Variants in MYO7A observed in about 807,000 individuals in gnomAD.
MYO7A encodes unconventional myosin-VIIa.
Under a neutral mutation model 263.8 loss-of-function variants are expected in MYO7A, and 210 were observed. The observed-to-expected ratio is 0.80, with a 90% CI of 0.71 to 0.89. The LOEUF (loss-of-function observed/expected upper bound fraction) is 0.89. Ranked by LOEUF, MYO7A falls within the 40% of genes least tolerant of loss-of-function variation. The probability of loss-of-function intolerance (pLI) is 0.00; values close to 1 mark genes in which losing one functional copy is unlikely to be tolerated. For missense variants in MYO7A, 2,820 were observed against 2,968.3 expected (o/e 0.95, Z 1.16); for synonymous variants, 1,239 against 1,197.3 (o/e 1.03, Z -0.72).
intron 2 of MYO7A, among the ~76,000 whole-genome samples, chr11:77,134,789 T>TC (rs1950864475): frequency 6.7e-6 from 1 of 150,090 alleles, no homozygotes; most frequent in Admixed American, 6.6e-5. Flanking sequence ...AACTTTTTTT[T>TC]TTTTTTTTTT....
At chr11:77,136,163 A>C (rs1950897335) in intron 2 of MYO7A, among the ~76,000 whole-genome samples, 2 of 152,360 alleles carry the variant, frequency 1.3e-5, no homozygotes, top group South Asian at 4.1e-4. Context: ...TGCCAGATAT[A>C]GAATTCTTTC....
At chr11:77,170,761 G>A (rs189138521) in intron 15 of MYO7A, among the ~76,000 whole-genome samples, 1 of 152,194 alleles carries the variant, frequency 6.6e-6, no homozygotes, top group Non-Finnish European at 1.5e-5. Flanking sequence ...GAGACGAGTT[G>A]GGGGGTTGCT....
intron 10 of MYO7A, 127 bp downstream of exon 10, chr11:77,159,650 T>C (rs1397109395): frequency 1.1e-6 from 1 of 923,000 alleles, no homozygotes; most frequent in Admixed American, 2.3e-5. Context: ...TTCTGTTCAA[T>C]ATGGAGAAGC....
chr11:77,184,890 C>T, intron 27 of MYO7A, 175 bp downstream of exon 27: 1 of 1,124,996 alleles, frequency 8.9e-7, no homozygotes, highest in Admixed American at 2.0e-5. Context: ...GCCTCTGATT[C>T]CTTGTCTGTA....
At chr11:77,156,409 T>C (rs1362584031) in intron 5 of MYO7A, among the ~76,000 whole-genome samples, 3 of 152,230 alleles carry the variant, frequency 2.0e-5, no homozygotes, top group African/African-American at 7.2e-5. Flanking sequence ...AGACAAAGCA[T>C]TGACTGAGCA....
rs1958056283 is a variant in MYO7A, at chr11:77,214,944, C to T, written c.*248C>T. On this transcript the variant is annotated 3_prime_UTR_variant, in exon 49 of 49. Coordinates refer to ENST00000409709, the MANE Select transcript of MYO7A (RefSeq NM_000260.4). ...TGGTCTAATCCTAGTTTGCTGTGGCCTTCCCGGTTGTGAGAGCCTGTGATC... is the reference window on the plus strand; with the variant it reads ...TGGTCTAATCCTAGTTTGCTGTGGCTTTCCCGGTTGTGAGAGCCTGTGATC... 2.0e-6 allele frequency: 1 copy of T among 487,978 alleles called. No homozygotes were observed. The highest frequency in any genetic ancestry group is 3.7e-6 in the Non-Finnish European group (1 of 271,376). 30.2% of individuals were successfully genotyped at this position (487,978 alleles called of 1,614,324 possible).
intron 37 of MYO7A, 48 bp from the exon 38 acceptor site, chr11:77,203,012 G>T (rs1055512167): frequency 2.6e-6 from 4 of 1,537,816 alleles, no homozygotes; most frequent in South Asian, 1.2e-5. Context: ...GTTTCTCCCC[G>T]GGGCTGCCAG....
rs762660033 is a variant in MYO7A at position 77,197,484 on chromosome 11, A to T, written c.4327A>T (p.Ile1443Phe). The T allele has an allele frequency of 1.3e-6, 2 of 1,592,172 alleles. No individual in the cohort carries two copies. Among genetic ancestry groups the T allele is most frequent in the Non-Finnish European group, 1.7e-6 (2 of 1,168,234 alleles). Residue 1443 changes from isoleucine to phenylalanine, a missense_variant, in exon 33 of 49, where the codon ATT (isoleucine) becomes TTT (phenylalanine). Transcript: ENST00000409709. ...CTCTGTCCCTCTCTCCTTCCAGGGG[A>T]TTTATGCCCAGAGGAGAACTGATGC... Reference protein sequence around the residue: ...QLAIAAHKKGIYAQRRTDAQK... With the variant: ...QLAIAAHKKGFYAQRRTDAQK...
chr11:77,189,155 C>T (rs1955847602), intron 27 of MYO7A, among the ~76,000 whole-genome samples, 189 bp from the exon 28 acceptor site: 1 of 152,194 alleles, frequency 6.6e-6, no homozygotes, highest in African/African-American at 2.4e-5. Context: ...CCCGATGATC[C>T]TGTCTCCAAA....
Position 77,133,375 on chromosome 11 carries a change from A to G in MYO7A, c.18+2723A>G, listed in dbSNP as rs537896859. Among the ~76,000 whole-genome samples the G allele has an allele frequency of 4.1e-4, 62 of 152,332 alleles. No individual in the cohort carries two copies. In the South Asian group the frequency reaches 0.012, roughly 30 times the overall value. On this transcript the variant is annotated intron_variant, in intron 2 of 48. Transcript: ENST00000409709. ...TGGTGCCAGGGTAGGGACTCTGTGT[A>G]CTTGGCCCAGATTTGTGGGCAGAGG...
rs1952928786 is a variant in MYO7A, at chr11:77,160,886, G to A, written c.1201-87G>A. On this transcript the variant is annotated intron_variant, in intron 11 of 48. Transcript: ENST00000409709. ...CGGCACTTTGTTCCACACAAGGGCTGGAGCGACACCACGAAGGGTCCAGGA... is the reference window on the plus strand; with the variant it reads ...CGGCACTTTGTTCCACACAAGGGCTAGAGCGACACCACGAAGGGTCCAGGA... The A allele has an allele frequency of 2.7e-6, 4 of 1,477,474 alleles. No homozygotes were observed. In the Admixed American group the frequency reaches 5.9e-5, roughly 22 times the overall value. The allele number at this position is 1,477,474 out of a possible 1,614,324, so 91.5% of individuals were successfully genotyped here.
intron 44 of MYO7A, 91 bp from the exon 45 acceptor site, chr11:77,211,061 A>C: frequency 4.5e-4 from 563 of 1,243,360 alleles, no homozygotes; most frequent in Non-Finnish European, 5.8e-4. Flanking sequence ...GTAAGGTGGT[A>C]GACCCCGGCG....
In MYO7A at chr11:77,172,891, TG is replaced by T; in HGVS notation, c.1935+8del. 6.5e-7 allele frequency: 1 copy of T among 1,545,272 alleles called. No homozygotes were observed. Among genetic ancestry groups the T allele is most frequent in the Non-Finnish European group, 8.8e-7 (1 of 1,141,638 alleles). The stretch of plus-strand genomic sequence containing the variant: ...ATGAGTTCAAGAAGCCCATGGTGAG[TG>T]GCCCTGGCCTGGGGTTGGCGGGTGG... On this transcript the variant is annotated splice_region_variant and intron_variant, in intron 16 of 48. Coordinates refer to ENST00000409709, the MANE Select transcript of MYO7A (RefSeq NM_000260.4).
At chr11:77,202,921 G>A (rs1442493721) in intron 37 of MYO7A, 139 bp from the exon 38 acceptor site, 1 of 1,095,712 alleles carries the variant, frequency 9.1e-7, no homozygotes, top group African/African-American at 1.6e-5. Context: ...CACATGCAGG[G>A]CAGGGAAGAG....
intron 27 of MYO7A, among the ~76,000 whole-genome samples, chr11:77,185,921 C>CT (rs1555088191): frequency 4.1e-4 from 57 of 140,658 alleles, no homozygotes; most frequent in East Asian, 8.2e-4. Context: ...CCTTGTACAT[C>CT]ATTTTTTTTT....
intron 38 of MYO7A, 63 bp from the exon 39 acceptor site, chr11:77,204,013 G>T: frequency 6.7e-7 from 1 of 1,497,744 alleles, no homozygotes; most frequent in South Asian, 1.3e-5. Context: ...GGGAAGTGGG[G>T]CCTCCGGACC....
At chr11:77,189,982 A>G (rs758423002) in intron 28 of MYO7A, 38 bp from the exon 29 acceptor site, 43 of 1,482,130 alleles carry the variant, frequency 2.9e-5, no homozygotes, top group Non-Finnish European at 3.8e-5. Flanking sequence ...CCACATGGGG[A>G]GCCCCAGGGG....
At chr11:77,184,482 C>T (rs1207760880) in intron 26 of MYO7A, 106 bp from the exon 27 acceptor site, 1 of 945,844 alleles carries the variant, frequency 1.1e-6, no homozygotes, top group Non-Finnish European at 1.6e-6. Context: ...TCTGCTCACT[C>T]CTTAGATTCT....
chr11:77,140,081 G>A (rs1478227444), intron 2 of MYO7A, among the ~76,000 whole-genome samples: 1 of 152,168 alleles, frequency 6.6e-6, no homozygotes, highest in Admixed American at 6.5e-5. Flanking sequence ...GTGGCCCCAA[G>A]AGCTTCACTC....
Sources: gnomAD v4.1 joint callset for allele counts (sites outside exome capture counted in the v4.1 genomes callset) on GRCh38, gnomAD v4.1.1 for gene constraint, MANE v1.5 for transcripts, NCBI Gene and HGNC (gene_info 2026-07-23, HGNC 2026-07-21) for gene names.